SAMD5: variants seen among roughly 807,000 people sequenced by gnomAD.
The protein encoded by SAMD5 is sterile alpha motif domain containing 5.
Under a neutral mutation model 11.3 loss-of-function variants are expected in SAMD5, and 13 were observed. The ratio of observed to expected loss-of-function variants is 1.15; its 90% CI spans 0.75 to 1.83. The LOEUF (loss-of-function observed/expected upper bound fraction) is 1.83. Among genes scored for constraint, SAMD5 ranks in the 40% most tolerant of loss-of-function variants. SAMD5 has a pLI of 0.00. For synonymous variants in SAMD5, 129 were observed against 111.3 expected, an observed-to-expected ratio of 1.16 and a Z score of -1.00; for missense variants, 255 against 239.1, an observed-to-expected ratio of 1.07 and a Z score of -0.44.
the SAMD5 span, among the ~76,000 whole-genome samples, chr6:147,897,890 A>G: frequency 1.4e-5 from 2 of 140,494 alleles, no homozygotes; most frequent in Non-Finnish European, 1.5e-5. Flanking sequence ...GGTTGCAGTG[A>G]GTAGAGATCG....
At chr6:147,844,992 TGTTCTC>T in the SAMD5 span, among the ~76,000 whole-genome samples, 2 of 152,150 alleles carry the variant, frequency 1.3e-5, no homozygotes, top group African/African-American at 4.8e-5. Flanking sequence ...AGCTTTCAAA[TGTTCTC>T]ACCACAAATA....
At chr6:147,874,902 A>T in the SAMD5 span, among the ~76,000 whole-genome samples, 1 of 152,096 alleles carries the variant, frequency 6.6e-6, no homozygotes. Flanking sequence ...TGGCCTGATT[A>T]TGTTAAGCTG....
the SAMD5 span, among the ~76,000 whole-genome samples, chr6:147,798,969 C>T: frequency 2.0e-5 from 3 of 152,156 alleles, no homozygotes; most frequent in Non-Finnish European, 4.4e-5. Context: ...TGTCTCTACA[C>T]GTGAGATGGA....
intron 1 of SAMD5, among the ~76,000 whole-genome samples, chr6:147,710,702 C>A (rs1475268048): frequency 6.6e-6 from 1 of 152,026 alleles, no homozygotes; most frequent in Non-Finnish European, 1.5e-5. Flanking sequence ...TCTTGCTGTG[C>A]CTAAATTATT....
At chr6:147,800,584 T>C in the SAMD5 span, among the ~76,000 whole-genome samples, 1 of 152,256 alleles carries the variant, frequency 6.6e-6, no homozygotes, top group African/African-American at 2.4e-5. Context: ...CCTTGAGCTG[T>C]GGTGGGCTCC....
exon 2 of SAMD5, chr6:147,737,430 C>A (rs1409944324): frequency 3.1e-6 from 3 of 962,062 alleles, no homozygotes; most frequent in Non-Finnish European, 4.3e-6. Context: ...GATGTATTGA[C>A]ATTTCTTTGG....
chr6:147,613,917 C>T (rs1049463033), intron 1 of SAMD5, among the ~76,000 whole-genome samples: 12 of 152,116 alleles, frequency 7.9e-5, no homozygotes, highest in Admixed American at 3.9e-4. Flanking sequence ...GTGTCCTCTC[C>T]TATCCTTCTG....
At chr6:147,872,116 GTAT>G in the SAMD5 span, among the ~76,000 whole-genome samples, 2 of 152,146 alleles carry the variant, frequency 1.3e-5, no homozygotes, top group South Asian at 2.1e-4. Flanking sequence ...GGTAGTGGTA[GTAT>G]TATTAAGACA....
the SAMD5 span, among the ~76,000 whole-genome samples, chr6:147,870,630 A>G: frequency 6.6e-6 from 1 of 151,704 alleles, no homozygotes; most frequent in African/African-American, 2.4e-5. Context: ...TTCCATAAAT[A>G]TTTGTTAACT....
chr6:147,649,355 G>A (rs1445389535), intron 1 of SAMD5, among the ~76,000 whole-genome samples: 1 of 152,062 alleles, frequency 6.6e-6, no homozygotes, highest in Non-Finnish European at 1.5e-5. Flanking sequence ...CGGAATATTG[G>A]CATGTTTCAT....
At chr6:147,913,973 T>C in the SAMD5 span, among the ~76,000 whole-genome samples, 3 of 152,118 alleles carry the variant, frequency 2.0e-5, no homozygotes, top group African/African-American at 7.2e-5. Flanking sequence ...ATACGATTCC[T>C]TGCTCAAAGG....
At chr6:147,580,718 T>G (rs955797235) in intron 1 of SAMD5, among the ~76,000 whole-genome samples, 2 of 152,252 alleles carry the variant, frequency 1.3e-5, no homozygotes, top group African/African-American at 2.4e-5. Context: ...TGTCCAATTC[T>G]GTATTCTATT....
intron 1 of SAMD5, among the ~76,000 whole-genome samples, chr6:147,613,801 G>A (rs1468318506): frequency 6.6e-6 from 1 of 151,888 alleles, no homozygotes; most frequent in East Asian, 1.9e-4. Flanking sequence ...AAAAAGGGAA[G>A]GAAAATGGTG....
chr6:147,945,624 G>A, the SAMD5 span, among the ~76,000 whole-genome samples: 1 of 152,110 alleles, frequency 6.6e-6, no homozygotes, highest in African/African-American at 2.4e-5. Context: ...TGACGCTATT[G>A]GAGAGGGATG....
the SAMD5 span, among the ~76,000 whole-genome samples, chr6:147,769,550 G>A: frequency 6.6e-6 from 1 of 152,166 alleles, no homozygotes; most frequent in Admixed American, 6.5e-5. Context: ...GAGAAAGCAA[G>A]ATTAATAGAT....
chr6:147,754,413 A>AT, the SAMD5 span, among the ~76,000 whole-genome samples: 2 of 139,356 alleles, frequency 1.4e-5, no homozygotes, highest in South Asian at 2.2e-4. Flanking sequence ...AGATTATTAG[A>AT]TTTTTTCCTA....
At chr6:147,896,497 G>A in the SAMD5 span, among the ~76,000 whole-genome samples, 5 of 152,004 alleles carry the variant, frequency 3.3e-5, no homozygotes, top group African/African-American at 1.2e-4. Flanking sequence ...GGTCCAGTTA[G>A]GGAGCCGGAG....
At chr6:147,895,430 C>A in the SAMD5 span, among the ~76,000 whole-genome samples, 1 of 152,068 alleles carries the variant, frequency 6.6e-6, no homozygotes, top group African/African-American at 2.4e-5. Flanking sequence ...GTATCAGGCT[C>A]CTAGAGTGAA....
the SAMD5 span, among the ~76,000 whole-genome samples, chr6:147,907,716 T>A: frequency 6.6e-6 from 1 of 151,812 alleles, no homozygotes; most frequent in African/African-American, 2.4e-5. Context: ...TCTTAGAGAG[T>A]TTTTCCTTTG....
Sources: gnomAD v4.1 joint callset for allele counts (sites outside exome capture counted in the v4.1 genomes callset) on GRCh38, gnomAD v4.1.1 for gene constraint, MANE v1.5 for transcripts, NCBI Gene and HGNC (gene_info 2026-07-23, HGNC 2026-07-21) for gene names.